CYP2U1: variants seen among roughly 807,000 people sequenced by gnomAD.
The protein encoded by CYP2U1 is cytochrome P450 2U1.
CYP2U1 carries 28 observed loss-of-function variants against 42.8 expected under a neutral mutation model. That is an observed-to-expected ratio of 0.65 (90% CI 0.48 to 0.90). The LOEUF is 0.90. Ranked by LOEUF, CYP2U1 falls within the 40% of genes least tolerant of loss-of-function variation. CYP2U1 has a pLI of 0.00. For missense variants in CYP2U1, 642 were observed against 693.8 expected (o/e 0.93, Z 0.84); for synonymous variants, 296 against 278.9 (o/e 1.06, Z -0.61).
At chr4:107,945,842 G>T (rs1733682333) in intron 2 of CYP2U1, among the ~76,000 whole-genome samples, 1 of 152,210 alleles carries the variant, frequency 6.6e-6, no homozygotes. Context: ...CTGATTCTAT[G>T]TGAAATCTAT....
At chr4:107,936,833 T>C (rs1733288628) in intron 1 of CYP2U1, among the ~76,000 whole-genome samples, 1 of 152,234 alleles carries the variant, frequency 6.6e-6, no homozygotes, top group South Asian at 2.1e-4. Context: ...TGTTGGATAC[T>C]TAAAGTATCT....
At chr4:107,946,505 C>T (rs1733701310) in intron 2 of CYP2U1, among the ~76,000 whole-genome samples, 1 of 151,754 alleles carries the variant, frequency 6.6e-6, no homozygotes, top group Non-Finnish European at 1.5e-5. Context: ...TTACAGACTC[C>T]AGGGGATTAG....
chr4:107,943,795 A>G (rs961607997), intron 1 of CYP2U1, among the ~76,000 whole-genome samples: 14 of 152,220 alleles, frequency 9.2e-5, no homozygotes, highest in African/African-American at 3.4e-4. Flanking sequence ...AAATAGTAAG[A>G]ATTCAGAAGT....
chr4:107,950,174 A>T, intron 4 of CYP2U1, 71 bp from the exon 5 acceptor site: 1 of 1,419,104 alleles, frequency 7.0e-7, no homozygotes, highest in Non-Finnish European at 9.6e-7. Context: ...ATTTCATATA[A>T]ATTTGTACTT....
At position 107,951,297 on chromosome 4, in the gene CYP2U1, A is replaced by C. The variant is rs537978512; in HGVS notation, c.*874A>C. 14 of 152,262 alleles carry C rather than the reference A, an allele frequency of 9.2e-5. No individual in the cohort carries two copies. In the East Asian group the frequency reaches 2.5e-3, roughly 27 times the overall value. 9.4% of individuals were successfully genotyped at this position (152,262 alleles called of 1,614,324 possible). ...TTTACTTAAGGCCTGAATGGTGAGC[A>C]TGGGGATTTTGATACTGGGACTCAT... On this transcript the variant is annotated 3_prime_UTR_variant, in exon 5 of 5. Transcript: ENST00000332884.
chr4:107,934,173 CT>C (rs57049253), intron 1 of CYP2U1, among the ~76,000 whole-genome samples: 106,169 of 141,110 alleles, frequency 0.75, 39,777 homozygotes, highest in East Asian at 0.96. Context: ...ACCAACACTT[CT>C]TTTTTTTTTT....
At chr4:107,949,012 T>C (rs534721382) in intron 3 of CYP2U1, among the ~76,000 whole-genome samples, 14 of 152,334 alleles carry the variant, frequency 9.2e-5, no homozygotes, top group Middle Eastern at 3.4e-3. Flanking sequence ...TTTATACATA[T>C]TGGGAATTTT....
intron 2 of CYP2U1, among the ~76,000 whole-genome samples, chr4:107,946,794 T>C (rs748813934): frequency 1.3e-5 from 2 of 152,076 alleles, no homozygotes; most frequent in African/African-American, 4.8e-5. Flanking sequence ...CATATGACTA[T>C]TGGCCAAGTT....
At chr4:107,941,332 T>C (rs904776241) in intron 1 of CYP2U1, 1 of 152,122 alleles carries the variant, frequency 6.6e-6, no homozygotes, top group African/African-American at 2.4e-5. Flanking sequence ...AAATCCACCA[T>C]TATAGCAAAA....
chr4:107,935,661 TG>T (rs1488091215), intron 1 of CYP2U1: 1 of 152,036 alleles, frequency 6.6e-6, no homozygotes, highest in Non-Finnish European at 1.5e-5. Context: ...CATCAAAGGA[TG>T]AAGGAACAGA....
rs377467252 is a variant in CYP2U1, at chr4:107,950,427, G to A, written c.*4G>A. On this transcript the variant is annotated 3_prime_UTR_variant, in exon 5 of 5. Transcript: ENST00000332884. ...TATAACTATTTCAAGGAGATGAAGA[G>A]CATCTCCAAGAAGAGATGGTAAAAA... 26 of 1,599,422 alleles carry A rather than the reference G, an allele frequency of 1.6e-5. No homozygotes were observed. The highest frequency in any genetic ancestry group is 2.7e-5 in the African/African-American group (2 of 73,728).
At chr4:107,941,531 A>G (rs1733494948) in intron 1 of CYP2U1, among the ~76,000 whole-genome samples, 1 of 152,196 alleles carries the variant, frequency 6.6e-6, no homozygotes, top group South Asian at 2.1e-4. Flanking sequence ...ATACTAGGGT[A>G]AAAAAGCAAG....
At chr4:107,939,624 A>G (rs1733406510) in intron 1 of CYP2U1, among the ~76,000 whole-genome samples, 1 of 152,238 alleles carries the variant, frequency 6.6e-6, no homozygotes. Flanking sequence ...GTGGAGTATG[A>G]GAGGACAGAA....
At chr4:107,945,702 T>C in intron 2 of CYP2U1, 97 bp downstream of exon 2, 1 of 1,433,734 alleles carries the variant, frequency 7.0e-7, no homozygotes, top group Non-Finnish European at 9.3e-7. Context: ...CACTGAGCAA[T>C]GTCTTCAGGC....
rs144149169 is a variant in CYP2U1, at chr4:107,944,141, T to G, written c.491-829T>G. On this transcript the variant is annotated intron_variant, in intron 1 of 4. Transcript: ENST00000332884. Reference sequence around the variant, plus strand: ...AGCTAATATTTAACAACCTCTCCTATGTACCAAGCACTATGCCAGAAGCTG... The same window carrying G: ...AGCTAATATTTAACAACCTCTCCTAGGTACCAAGCACTATGCCAGAAGCTG... Among the ~76,000 whole-genome samples the G allele has an allele frequency of 1.0e-3, 156 of 152,330 alleles. 1 individual carries two copies. The highest frequency in any genetic ancestry group is 3.6e-3 in the African/African-American group (149 of 41,568).
intron 3 of CYP2U1, 76 bp downstream of exon 3, chr4:107,947,613 G>C (rs984580413): frequency 6.8e-7 from 1 of 1,465,596 alleles, no homozygotes; most frequent in African/African-American, 1.4e-5. Context: ...TGAGGTGAGG[G>C]GTGTGGTGAC....
At chr4:107,944,025 C>T (rs539338441) in intron 1 of CYP2U1, among the ~76,000 whole-genome samples, 28 of 152,186 alleles carry the variant, frequency 1.8e-4, no homozygotes, top group African/African-American at 6.0e-4. Context: ...GGGCTGCTGC[C>T]GACAACAGAC....
rs766380148 is a variant in CYP2U1 at position 107,949,457 on chromosome 4, C to T, written c.1396C>T (p.Arg466Ter). The change falls in exon 4 of 5, where the codon CGA (arginine) becomes TGA (stop). Residue 466 changes from arginine to a stop codon, truncating the protein, a stop_gained. Transcript: ENST00000332884. LOFTEE classifies it high-confidence loss of function. ...GAAACCGGAGGATTTCTACCCTAAT[C>T]GATTTCTGGATGACCAAGGACAACT... ...WEKPEDFYPN[R>*]FLDDQGQLIK... 9 of 1,610,472 alleles carry T rather than the reference C, an allele frequency of 5.6e-6. No homozygotes were observed. Among genetic ancestry groups the T allele is most frequent in the East Asian group, 4.5e-5 (2 of 44,754 alleles).
intron 1 of CYP2U1, chr4:107,938,038 C>CACCT (rs1176529192): frequency 6.6e-6 from 1 of 152,172 alleles, no homozygotes; most frequent in Admixed American, 6.5e-5. Context: ...CACTGTCTAG[C>CACCT]ACCTGTTCCT....
Sources: allele counts gnomAD v4.1 joint callset (sites outside exome capture counted in the v4.1 genomes callset), GRCh38; gene constraint gnomAD v4.1.1; transcripts MANE v1.5; gene names NCBI Gene and HGNC (gene_info 2026-07-23, HGNC 2026-07-21).